The following INPPL1 variants were observed in gnomAD, a reference collection of about 807,000 sequenced individuals.
INPPL1 encodes inositol polyphosphate phosphatase like 1.
In INPPL1, 91 loss-of-function variants were observed where a neutral mutation model predicts 139.3. The observed-to-expected ratio is 0.65, with a 90% CI of 0.55 to 0.78. The LOEUF is 0.78. INPPL1 is among the 30% of genes least tolerant of loss of function. The pLI is 0.00. For missense variants in INPPL1, 1,411 were observed against 1,665.6 expected, an observed-to-expected ratio of 0.85 and a Z score of 2.66; for synonymous variants, 719 against 686.6, an observed-to-expected ratio of 1.05 and a Z score of -0.74.
In INPPL1 at chr11:72,229,182, TG is replaced by T; in HGVS notation, c.612del (p.His206ThrfsTer39). The T allele has an allele frequency of 6.2e-7, 1 of 1,613,732 alleles. No homozygotes were observed. The highest frequency in any genetic ancestry group is 8.5e-7 in the Non-Finnish European group (1 of 1,179,864). On this transcript the variant is annotated frameshift_variant, in exon 5 of 28. Coordinates refer to ENST00000298229, the MANE Select transcript of INPPL1 (RefSeq NM_001567.4). LOFTEE classifies it high-confidence loss of function. ...LEAVRGGASH[L>X]PHLTRTLATS... ...GCTGTGAGGGGTGGAGCCAGCCACC[TG>T]CCCCACCTCACCCGTACCCTCGCTA... is the stretch of plus-strand genomic sequence containing the variant.
rs1198039878 is a variant in INPPL1, at chr11:72,230,102, C to T, written c.940-19C>T. On this transcript the variant is annotated intron_variant, in intron 8 of 27. Transcript: ENST00000298229. Reference sequence around the variant, plus strand: ...CCTACTCCAAGGTCTTGTCAGCAGCCTCCCCACCTGGCCTACAGGTGAAGC... The same window carrying T: ...CCTACTCCAAGGTCTTGTCAGCAGCTTCCCCACCTGGCCTACAGGTGAAGC... 1.2e-6 allele frequency: 2 copies of T among 1,611,316 alleles called. No individual in the cohort carries two copies. Among genetic ancestry groups the T allele is most frequent in the Non-Finnish European group, 1.7e-6 (2 of 1,177,814 alleles).
Position 72,234,689 on chromosome 11 carries a change from C to T in INPPL1, c.2415+74C>T. 3 of 1,067,314 alleles carry T rather than the reference C, an allele frequency of 2.8e-6. No homozygotes were observed. The highest frequency in any genetic ancestry group is 2.7e-5 in the South Asian group (2 of 75,470). 66.1% of individuals were successfully genotyped at this position (1,067,314 alleles called of 1,614,324 possible). ...GGTACATAAGAGTTTATTGGAGAGC[C>T]TGCCTGGGAGGGAGTGTGGGGCCAG... is the stretch of plus-strand genomic sequence containing the variant. On this transcript the variant is annotated intron_variant, in intron 21 of 27. Transcript: ENST00000298229. The surrounding 1 kb of genome is among the most constrained non-coding windows in gnomAD (Gnocchi z 4.2).
intron 13 of INPPL1, 97 bp from the exon 14 acceptor site, chr11:72,232,143 C>A: frequency 2.1e-6 from 2 of 964,944 alleles, no homozygotes; most frequent in Non-Finnish European, 3.2e-6. Context: ...GTGGGCTCAG[C>A]GGGAGGATCC....
At chr11:72,227,994 T>TAAAAAACATC in intron 1 of INPPL1, 196 bp from the exon 2 acceptor site, 1 of 618,624 alleles carries the variant, frequency 1.6e-6, no homozygotes, top group South Asian at 1.8e-5. Flanking sequence ...TTCTGGTCAT[T>TAAAAAACATC]CCTGCCCAAT....
Position 72,238,140 on chromosome 11 carries a change from G to C in INPPL1, c.3651G>C (p.Leu1217=), listed in dbSNP as rs147259754. ...GCTTGGAGCGCTATGAGGAGGGCCT[G>C]GTGCATAATGGCTGGGACGACCTGG... The part of the protein sequence containing the change: ...AIGLERYEEG[L]VHNGWDDLEF... Residue 1217 remains leucine (L), a synonymous_variant, in exon 27 of 28, where the codon CTG becomes CTC. Coordinates refer to ENST00000298229, the MANE Select transcript of INPPL1 (RefSeq NM_001567.4). 2.9e-4 allele frequency: 454 copies of C among 1,591,016 alleles called. No individual in the cohort carries two copies. Among genetic ancestry groups the C allele is most frequent in the Non-Finnish European group, 3.7e-4 (434 of 1,168,852 alleles).
chr11:72,230,270 C>T lies in INPPL1; in HGVS notation c.1089C>T (p.Arg363=). The change falls in exon 9 of 28, where the codon CGC becomes CGT. Residue 363 remains arginine (R), a splice_region_variant and synonymous_variant. Transcript: ENST00000298229. ...ACTGGACCACCTTCACGCACGACCG[C>T]AGTGAGCCAGGGCCAGACCTGGGAG... The part of the protein sequence containing the change: ...QEDWTTFTHD[R]IRQLIKSQRV... 1 of 1,608,334 alleles carries T rather than the reference C, an allele frequency of 6.2e-7. No individual in the cohort carries two copies. Among genetic ancestry groups the T allele is most frequent in the Non-Finnish European group, 8.5e-7 (1 of 1,176,512 alleles).
At chr11:72,227,947 G>A (rs1014137529) in intron 1 of INPPL1, 2 of 546,640 alleles carry the variant, frequency 3.7e-6, no homozygotes, top group Non-Finnish European at 6.6e-6. Flanking sequence ...TGTGGTGGGT[G>A]TGGAGTCTGT....
chr11:72,225,944 T>C (rs1180104385), intron 1 of INPPL1, among the ~76,000 whole-genome samples: 1 of 152,200 alleles, frequency 6.6e-6, no homozygotes, highest in East Asian at 1.9e-4. Flanking sequence ...TGCAGCCTTC[T>C]AGCGGCTTTG....
chr11:72,225,203 ACCGGGAGCGCGGGCACGG>A (rs953315390), intron 1 of INPPL1, 37 bp downstream of exon 1: 18 of 947,198 alleles, frequency 1.9e-5, no homozygotes, highest in Non-Finnish European at 2.5e-5. Flanking sequence ...GCTGGCGTGG[ACCGGGAGCGCGGGCACGG>A]CCGGGTGTGG....
upstream of INPPL1, among the ~76,000 whole-genome samples, chr11:72,224,568 C>T (rs538027300): frequency 4.0e-5 from 6 of 149,968 alleles, no homozygotes; most frequent in South Asian, 6.4e-4. Flanking sequence ...GACTGGATCT[C>T]CTCGGGTGAA....
Position 72,230,469 on chromosome 11 carries a change from G to T in INPPL1, c.1197+1G>T, listed in dbSNP as rs774221853. On this transcript the variant is annotated splice_donor_variant, in intron 10 of 27. Transcript: ENST00000298229. LOFTEE classifies it high-confidence loss of function. ...GGACTTCATCTTTGTCAGTGCCCGG[G>T]TGAGCAGCAGGCTGGGCCAGGCCAC... The T allele has an allele frequency of 3.7e-6, 6 of 1,613,314 alleles. No individual in the cohort carries two copies. Among genetic ancestry groups the T allele is most frequent in the South Asian group, 1.1e-5 (1 of 91,050 alleles).
rs1042327035 is a variant in INPPL1, at chr11:72,234,002, G to A, written c.2212+258G>A. On this transcript the variant is annotated intron_variant, in intron 19 of 27. Transcript: ENST00000298229. The surrounding 1 kb of genome is among the most constrained non-coding windows in gnomAD (Gnocchi z 4.2). ...TCTGTGTCTGTCTAGGGCCACGTGTGTGTCCCTGAGTATGCCTGTAGGTGT... is the reference window on the plus strand; with the variant it reads ...TCTGTGTCTGTCTAGGGCCACGTGTATGTCCCTGAGTATGCCTGTAGGTGT... Among the ~76,000 whole-genome samples, 1 of 152,206 alleles carries A rather than the reference G, an allele frequency of 6.6e-6. No homozygotes were observed. Among genetic ancestry groups the A allele is most frequent in the African/African-American group, 2.4e-5 (1 of 41,450 alleles).
intron 1 of INPPL1, among the ~76,000 whole-genome samples, chr11:72,225,812 T>C (rs568081282): frequency 3.3e-5 from 5 of 152,234 alleles, no homozygotes; most frequent in African/African-American, 1.2e-4. Flanking sequence ...CCCTGAGCTA[T>C]GAGTGCTGAG....
At chr11:72,227,709 G>A (rs1948711881) in intron 1 of INPPL1, among the ~76,000 whole-genome samples, 1 of 152,296 alleles carries the variant, frequency 6.6e-6, no homozygotes, top group Non-Finnish European at 1.5e-5. Flanking sequence ...ACACTCCTCG[G>A]CACAAGTGCC....
At position 72,231,193 on chromosome 11, in the gene INPPL1, AG is replaced by A. The variant is rs759811309; in HGVS notation, c.1497+11del. Reference sequence around the variant, plus strand: ...TACGGATCTGGATTACCGCCCGGTGAGGGGGGGTCATCTTGTCCAGGACCCT... The same window carrying A: ...TACGGATCTGGATTACCGCCCGGTGAGGGGGGTCATCTTGTCCAGGACCCT... On this transcript the variant is annotated splice_donor_5th_base_variant and intron_variant, in intron 12 of 27. Coordinates refer to ENST00000298229, the MANE Select transcript of INPPL1 (RefSeq NM_001567.4). The A allele has an allele frequency of 1.2e-5, 20 of 1,607,686 alleles. No individual in the cohort carries two copies. The highest frequency in any genetic ancestry group is 1.7e-5 in the Admixed American group (1 of 59,736).
chr11:72,228,166 A>C lies in INPPL1; in HGVS notation c.183-24A>C. On this transcript the variant is annotated intron_variant, in intron 1 of 27. Coordinates refer to ENST00000298229, the MANE Select transcript of INPPL1 (RefSeq NM_001567.4). This position sits in a 1 kb window ranked among gnomAD's most constrained non-coding sequence, Gnocchi z 5.0. ...TTAGACCCCAGCCTGGGGGTGACAG[A>C]TTCTGGCCCTGCCTTGGCATCAGGT... 6.2e-7 allele frequency: 1 copy of C among 1,613,930 alleles called. No individual in the cohort carries two copies. Among genetic ancestry groups the C allele is most frequent in the Non-Finnish European group, 8.5e-7 (1 of 1,179,844 alleles).
rs1365099875 is a variant in INPPL1 at position 72,237,237 on chromosome 11, C to T, written c.2993C>T (p.Pro998Leu). 1 of 1,613,936 alleles carries T rather than the reference C, an allele frequency of 6.2e-7. No individual in the cohort carries two copies. Among genetic ancestry groups the T allele is most frequent in the Non-Finnish European group, 8.5e-7 (1 of 1,180,040 alleles). The change falls in exon 26 of 28, where the codon CCC becomes CTC. Residue 998 changes from proline to leucine, a missense_variant. Physicochemically the swap from Pro to Leu is moderately conservative, Grantham distance 98 (BLOSUM62 -3). This residue lies in a region of INPPL1 where 438 missense variants were observed against 425.7 expected (regional missense o/e 1.03). Transcript: ENST00000298229. The part of the protein sequence containing the change: ...VLEGVPHQLL[P>L]PEPPSPARAP... ...GAAGGGGTCCCGCACCAGCTGCTGC[C>T]CCCGGAGCCACCCTCGCCTGCCAGG...
Position 72,230,265 on chromosome 11 carries a change from G to A in INPPL1, c.1084G>A (p.Asp362Asn), listed in dbSNP as rs919420945. 36 of 1,607,792 alleles carry A rather than the reference G, an allele frequency of 2.2e-5. No homozygotes were observed. The highest frequency in any genetic ancestry group is 3.3e-5 in the South Asian group (3 of 90,328). The stretch of plus-strand genomic sequence containing the variant: ...GGAGGACTGGACCACCTTCACGCAC[G>A]ACCGCAGTGAGCCAGGGCCAGACCT... ...SQEDWTTFTH[D>N]RIRQLIKSQR... The change falls in exon 9 of 28, where the codon GAC becomes AAC. Residue 362 changes from aspartate (D) to asparagine (N), a missense_variant. By Grantham distance (23) the Asp-to-Asn change is conservative. This residue lies in a region of INPPL1 where 504 missense variants were observed against 595.6 expected (regional missense o/e 0.85). Coordinates refer to ENST00000298229, the MANE Select transcript of INPPL1 (RefSeq NM_001567.4).
chr11:72,235,644 C>A lies in INPPL1; in HGVS notation c.2660-31C>A. 1 of 1,610,510 alleles carries A rather than the reference C, an allele frequency of 6.2e-7. No individual in the cohort carries two copies. The highest frequency in any genetic ancestry group is 1.1e-5 in the South Asian group (1 of 90,822). The stretch of plus-strand genomic sequence containing the variant: ...GTCTGTGGGATCCAGGAGCCCAGGT[C>A]TCCTCTGAGTCTCCCTTCCTGCCCC... On this transcript the variant is annotated intron_variant, in intron 23 of 27. Coordinates refer to ENST00000298229, the MANE Select transcript of INPPL1 (RefSeq NM_001567.4). The surrounding 1 kb of genome is among the most constrained non-coding windows in gnomAD (Gnocchi z 4.9).
Sources: allele counts gnomAD v4.1 joint callset (sites outside exome capture counted in the v4.1 genomes callset), GRCh38; gene constraint gnomAD v4.1.1; regional missense constraint gnomAD v4.1.1; non-coding constraint Gnocchi (gnomAD v3.1); transcripts MANE v1.5; gene names NCBI Gene and HGNC (gene_info 2026-07-23, HGNC 2026-07-21).